LTF: variants seen among roughly 807,000 people sequenced by gnomAD.
The protein encoded by LTF is lactotransferrin.
Under a neutral mutation model 87.2 loss-of-function variants are expected in LTF, and 91 were observed. The ratio of observed to expected loss-of-function variants is 1.04; its 90% CI spans 0.88 to 1.24. LTF has a LOEUF of 1.24. Among genes scored for constraint, LTF ranks in the 50% most tolerant of loss-of-function variants. The probability of loss-of-function intolerance (pLI) is 0.00; values close to 1 mark genes in which losing one functional copy is unlikely to be tolerated. For missense variants in LTF, 901 were observed against 904.3 expected, an observed-to-expected ratio of 1.00 and a Z score of 0.05; for synonymous variants, 378 against 356.1, an observed-to-expected ratio of 1.06 and a Z score of -0.69.
chr3:46,474,728 A>C (rs1353738462), intron 1 of LTF, among the ~76,000 whole-genome samples: 1 of 152,244 alleles, frequency 6.6e-6, no homozygotes, highest in Non-Finnish European at 1.5e-5. Flanking sequence ...ACAATTTTTT[A>C]AAAATTGAAA....
At chr3:46,438,202 T>G in intron 15 of LTF, 73 bp from the exon 16 acceptor site, 4 of 1,252,896 alleles carry the variant, frequency 3.2e-6, no homozygotes, top group Non-Finnish European at 4.6e-6. Context: ...CAAAGGGGTA[T>G]TTCTTCCACC....
chr3:46,467,327 C>T (rs574236066), upstream of LTF, among the ~76,000 whole-genome samples: 77 of 152,224 alleles, frequency 5.1e-4, 1 homozygote, highest in African/African-American at 1.8e-3. Context: ...GGGGGAGGGA[C>T]AGTCACAGGA....
At chr3:46,480,854 C>T (rs1376777426) in intron 1 of LTF, among the ~76,000 whole-genome samples, 3 of 152,222 alleles carry the variant, frequency 2.0e-5, no homozygotes, top group Admixed American at 2.0e-4. Context: ...GGAAGCAAAA[C>T]TTCCTCAAAC....
chr3:46,448,556 C>CT (rs1407736052), intron 9 of LTF, among the ~76,000 whole-genome samples: 2 of 152,162 alleles, frequency 1.3e-5, no homozygotes, highest in Admixed American at 6.5e-5. Context: ...ATGTCTGTCC[C>CT]TCTGTGTGAG....
intron 14 of LTF, 82 bp from the exon 15 acceptor site, chr3:46,439,562 A>G: frequency 8.2e-7 from 1 of 1,214,324 alleles, no homozygotes. Context: ...TGGCCATTCC[A>G]CTGACCTCCC....
chr3:46,465,062 C>CGCGCT (rs1703182453), upstream of LTF: 2 of 619,432 alleles, frequency 3.2e-6, no homozygotes, highest in East Asian at 5.9e-5. Flanking sequence ...GACTCCACAC[C>CGCGCT]GCGCTGCGAG....
chr3:46,439,445 G>A lies in LTF; in HGVS notation c.1759C>T (p.Leu587=), dbSNP rs368372028. The A allele has an allele frequency of 5.0e-6, 8 of 1,613,658 alleles. No individual in the cohort carries two copies. In the South Asian group the frequency reaches 6.6e-5, roughly 13 times the overall value. The change falls in exon 15 of 17, where the codon CTG becomes TTG. Residue 587 remains leucine, a synonymous_variant. Transcript: ENST00000231751. ...NNEAWAKDLK[L]ADFALLCLDG... The stretch of plus-strand genomic sequence containing the variant: ...AGGCACAGCAGCGCAAAGTCTGCCA[G>A]CTTCAAATCCTTAGCCCATGCCTCA...
chr3:46,478,713 A>G (rs377383027), intron 1 of LTF, among the ~76,000 whole-genome samples: 1 of 152,236 alleles, frequency 6.6e-6, no homozygotes, highest in East Asian at 1.9e-4. Flanking sequence ...CCTGATGGCT[A>G]TTTGGAAATG....
intron 14 of LTF, among the ~76,000 whole-genome samples, chr3:46,439,837 A>G (rs1702474199): frequency 6.6e-6 from 1 of 152,176 alleles, no homozygotes; most frequent in African/African-American, 2.4e-5. Flanking sequence ...AGCCCTTTGG[A>G]GGCCAAGGTG....
chr3:46,466,191 G>C (rs1703209797), upstream of LTF, among the ~76,000 whole-genome samples: 1 of 151,916 alleles, frequency 6.6e-6, no homozygotes, highest in Non-Finnish European at 1.5e-5. Context: ...AGTGAGCCAT[G>C]ATCATGTCAC....
chr3:46,450,009 T>G lies in LTF; in HGVS notation c.902A>C (p.Lys301Thr). ...RQAQEKFGKD[K>T]SPKFQLFGSP... Reference sequence around the variant, plus strand: ...GCCAAAGAGCTGGAATTTCGGTGACTTGTCCTTTCCAAACTTTTCCTAATT... The same window carrying G: ...GCCAAAGAGCTGGAATTTCGGTGACGTGTCCTTTCCAAACTTTTCCTAATT... Residue 301 changes from lysine (K) to threonine (T), a missense_variant, in exon 8 of 17, where the codon AAG becomes ACG. Coordinates refer to ENST00000231751, the MANE Select transcript of LTF (RefSeq NM_002343.6). 6.2e-7 allele frequency: 1 copy of G among 1,600,388 alleles called. No individual in the cohort carries two copies. Among genetic ancestry groups the G allele is most frequent in the Non-Finnish European group, 8.5e-7 (1 of 1,173,952 alleles).
chr3:46,482,699 GGAAGGAAAGAAAGAAAGA>G lies in LTF; in HGVS notation c.-320+2269_-320+2286del, dbSNP rs1559614912. ...AGGAAGGAAGGAAGGAAGGAAGGAA[GGAAGGAAAGAAAGAAAGA>G]GAAAGAAAGGAAGGAAGGAAGGAAG... On this transcript the variant is annotated intron_variant, in intron 1 of 19. Transcript: ENST00000443496. 1.4e-4 allele frequency among the ~76,000 whole-genome samples: 15 copies of G among 108,038 alleles called. 1 individual carries two copies. The highest frequency in any genetic ancestry group is 5.7e-4 in the African/African-American group (15 of 26,538). 70.9% of individuals were successfully genotyped at this position (108,038 alleles called of 152,430 possible).
intron 1 of LTF, among the ~76,000 whole-genome samples, chr3:46,472,889 C>T (rs913390945): frequency 6.6e-6 from 1 of 152,150 alleles, no homozygotes; most frequent in African/African-American, 2.4e-5. Flanking sequence ...CTCTCTGGAA[C>T]CCCTCCAGGT....
intron 1 of LTF, among the ~76,000 whole-genome samples, chr3:46,462,590 G>A (rs185010315): frequency 6.6e-6 from 1 of 152,308 alleles, no homozygotes; most frequent in East Asian, 1.9e-4. Flanking sequence ...GCTAGAAAAG[G>A]GTCTGGGTCA....
chr3:46,467,873 G>T (rs934795072), upstream of LTF, among the ~76,000 whole-genome samples: 1 of 152,002 alleles, frequency 6.6e-6, no homozygotes, highest in Non-Finnish European at 1.5e-5. Flanking sequence ...TCTATCCTGA[G>T]CTCCACATCA....
chr3:46,448,368 TAA>T lies in LTF; in HGVS notation c.1212+493_1212+494del, dbSNP rs10653871. 4.3e-3 allele frequency among the ~76,000 whole-genome samples: 645 copies of T among 149,004 alleles called. 5 individuals carry two copies. Among genetic ancestry groups the T allele is most frequent in the African/African-American group, 0.015 (598 of 40,552 alleles). On this transcript the variant is annotated intron_variant, in intron 9 of 16. Transcript: ENST00000231751. ...GGTGACAGATCAAGAATCTGTCTCT[TAA>T]AAAAAAAAAAATTAATGCTTTCCAA...
chr3:46,477,857 T>C (rs1175771401), intron 1 of LTF, among the ~76,000 whole-genome samples: 1 of 152,170 alleles, frequency 6.6e-6, no homozygotes, highest in Non-Finnish European at 1.5e-5. Context: ...GTCCTGGGAA[T>C]CTGCAAAGAG....
chr3:46,445,961 T>A (rs1182139929), intron 11 of LTF, among the ~76,000 whole-genome samples: 1 of 152,210 alleles, frequency 6.6e-6, no homozygotes, highest in Non-Finnish European at 1.5e-5. Flanking sequence ...AGAGAATGCA[T>A]CTGACAGACA....
At chr3:46,449,824 G>A (rs369050168) in intron 8 of LTF, 30 bp downstream of exon 8, 78 of 1,612,528 alleles carry the variant, frequency 4.8e-5, no homozygotes, top group African/African-American at 2.0e-4. Flanking sequence ...CACACCAGGC[G>A]GACCTCAGGA....
Sources: gnomAD v4.1 joint callset for allele counts (sites outside exome capture counted in the v4.1 genomes callset) on GRCh38, gnomAD v4.1.1 for gene constraint, MANE v1.5 for transcripts, NCBI Gene and HGNC (gene_info 2026-07-23, HGNC 2026-07-21) for gene names.